CFAP299: variants seen among roughly 807,000 people sequenced by gnomAD.
CFAP299 encodes the protein cilia- and flagella-associated protein 299.
A neutral mutation model predicts 27.0 loss-of-function variants in CFAP299; 21 were observed. The observed-to-expected ratio is 0.78, with a 90% confidence interval of 0.55 to 1.12. CFAP299 has a LOEUF of 1.12. Among genes scored for constraint, CFAP299 ranks in the 50% most tolerant of loss-of-function variants. The pLI is 0.00. For missense variants in CFAP299, 310 were observed against 276.6 expected, an observed-to-expected ratio of 1.12 and a Z score of -0.86; for synonymous variants, 104 against 98.1, an observed-to-expected ratio of 1.06 and a Z score of -0.36.
intron 2 of CFAP299, among the ~76,000 whole-genome samples, chr4:80,466,047 G>A (rs537256224): frequency 6.6e-6 from 1 of 152,290 alleles, no homozygotes; most frequent in East Asian, 1.9e-4. Flanking sequence ...CCAGAGAAGT[G>A]CAGCAATTTC....
chr4:80,613,020 C>A (rs1738079881), intron 3 of CFAP299, among the ~76,000 whole-genome samples: 1 of 152,096 alleles, frequency 6.6e-6, no homozygotes, highest in South Asian at 2.1e-4. Context: ...GAGGCTCTTT[C>A]ATATGCATTT....
At chr4:80,393,526 C>T (rs917475794) in intron 2 of CFAP299, among the ~76,000 whole-genome samples, 6 of 152,088 alleles carry the variant, frequency 3.9e-5, no homozygotes, top group African/African-American at 1.4e-4. Flanking sequence ...TATAATTTTT[C>T]ATTTTTTATG....
chr4:80,359,264 T>C (rs1286779086), intron 1 of CFAP299, among the ~76,000 whole-genome samples: 4 of 152,160 alleles, frequency 2.6e-5, no homozygotes, highest in Admixed American at 1.3e-4. Flanking sequence ...TTTTCTTTCA[T>C]TTTAATCTTG....
At chr4:80,566,325 C>A (rs1309977293) in intron 2 of CFAP299, among the ~76,000 whole-genome samples, 1 of 151,968 alleles carries the variant, frequency 6.6e-6, no homozygotes, top group Admixed American at 6.6e-5. Context: ...ATCTAAACCC[C>A]TCTTTTTTCC....
intron 3 of CFAP299, among the ~76,000 whole-genome samples, chr4:80,855,543 C>G (rs182579364): frequency 5.3e-5 from 8 of 152,288 alleles, no homozygotes. Flanking sequence ...TCTCACAATG[C>G]TATCCCTCCC....
At chr4:80,853,806 T>G (rs1313018729) in intron 3 of CFAP299, among the ~76,000 whole-genome samples, 1 of 152,176 alleles carries the variant, frequency 6.6e-6, no homozygotes, top group Non-Finnish European at 1.5e-5. Flanking sequence ...AGGTAAATAA[T>G]GTTGCATATT....
intron 2 of CFAP299, among the ~76,000 whole-genome samples, chr4:80,480,212 G>T (rs1409245138): frequency 6.6e-6 from 1 of 151,884 alleles, no homozygotes; most frequent in East Asian, 1.9e-4. Context: ...GGTGGAAAAT[G>T]TGAAGATACT....
chr4:80,741,076 C>T (rs1724235836), intron 3 of CFAP299, among the ~76,000 whole-genome samples: 1 of 152,050 alleles, frequency 6.6e-6, no homozygotes, highest in South Asian at 2.1e-4. Flanking sequence ...GACAAAATCC[C>T]CTTTACTTTT....
In CFAP299 at chr4:80,349,074, G is replaced by A. The variant is rs143573038; in HGVS notation, c.111+13195G>A. On this transcript the variant is annotated intron_variant, in intron 1 of 5. Transcript: ENST00000358105. ...AGAATCCATGAGGACAGAATGAAAC[G>A]TCTGTCAGGTGCTCGTGACCCTGCC... is the stretch of plus-strand genomic sequence containing the variant. Among the ~76,000 whole-genome samples the A allele has an allele frequency of 1.9e-4, 29 of 152,286 alleles. No homozygotes were observed. The East Asian group carries it at 2.9e-3, about 15-fold the overall frequency.
At chr4:80,634,739 C>A (rs1010097261) in intron 3 of CFAP299, among the ~76,000 whole-genome samples, 2 of 151,880 alleles carry the variant, frequency 1.3e-5, no homozygotes, top group Non-Finnish European at 2.9e-5. Context: ...CATTGTATCT[C>A]CTAATTTGGA....
intron 2 of CFAP299, among the ~76,000 whole-genome samples, chr4:80,492,417 G>T (rs1251622926): frequency 6.6e-6 from 1 of 152,152 alleles, no homozygotes; most frequent in African/African-American, 2.4e-5. Context: ...GAATGTTTGT[G>T]AGAGTAAATA....
intron 3 of CFAP299, among the ~76,000 whole-genome samples, chr4:80,752,968 A>G (rs1041588835): frequency 1.3e-5 from 2 of 152,066 alleles, no homozygotes; most frequent in East Asian, 1.9e-4. Flanking sequence ...TTACATATGC[A>G]ATAACACATA....
At chr4:80,390,512 CACATATATGTATATATGTATATATGTAT>C in intron 2 of CFAP299, among the ~76,000 whole-genome samples, 1 of 124,892 alleles carries the variant, frequency 8.0e-6, no homozygotes, top group South Asian at 2.5e-4. Context: ...TATATATACA[CACATATATGTATATATGTATATATGTAT>C]ACACACATAT....
intron 3 of CFAP299, among the ~76,000 whole-genome samples, chr4:80,653,039 A>G (rs564521787): frequency 3.3e-5 from 5 of 152,260 alleles, no homozygotes; most frequent in Admixed American, 3.3e-4. Context: ...TTTAGAGACA[A>G]TGTACCCTGC....
intron 1 of CFAP299, among the ~76,000 whole-genome samples, chr4:80,343,662 G>A (rs552684885): frequency 2.0e-5 from 3 of 151,792 alleles, no homozygotes; most frequent in South Asian, 2.1e-4. Context: ...GGTGGCGGGC[G>A]CCTGTAGTCC....
In CFAP299 at chr4:80,866,081, A is replaced by ATATATATATATATATG. The variant is rs1313817923; in HGVS notation, c.334-3897_334-3896insGTATATATATATATAT. ...GTATTATATATATATATATATATAT[A>ATATATATATATATATG]TATATATATATATATCTTCCCAAAT... On this transcript the variant is annotated intron_variant, in intron 3 of 5. Transcript: ENST00000358105. Among the ~76,000 whole-genome samples the ATATATATATATATATG allele has an allele frequency of 1.9e-3, 232 of 122,546 alleles. 1 individual carries two copies. The highest frequency in any genetic ancestry group is 6.3e-3 in the African/African-American group (217 of 34,500). 80.4% of individuals were successfully genotyped at this position (122,546 alleles called of 152,430 possible). A position where few individuals can be genotyped will look rare whatever the true frequency, so the allele number is the denominator to read the frequency against.
chr4:80,915,279 T>G lies in CFAP299; in HGVS notation c.477-29531T>G, dbSNP rs189365011. On this transcript the variant is annotated intron_variant, in intron 4 of 5. Coordinates refer to ENST00000358105, the MANE Select transcript of CFAP299 (RefSeq NM_152770.3). ...GGTATAGAACTCCAGTTTTACAGGG[T>G]TTTTTTTAAAACATTTTAAAGATGT... Among the ~76,000 whole-genome samples the G allele has an allele frequency of 1.3e-3, 194 of 151,408 alleles. 1 individual carries two copies. Among genetic ancestry groups the G allele is most frequent in the African/African-American group, 4.4e-3 (180 of 41,048 alleles).
At position 80,387,851 on chromosome 4, in the gene CFAP299, C is replaced by T. The variant is rs1316727455; in HGVS notation, c.242+24967C>T. Reference sequence around the variant, plus strand: ...TCCAGGAGTCCCCTGGTACCTTTAGCCCGTGGGGTCTTCAGCATTGGTGGA... The same window carrying T: ...TCCAGGAGTCCCCTGGTACCTTTAGTCCGTGGGGTCTTCAGCATTGGTGGA... On this transcript the variant is annotated intron_variant, in intron 2 of 5. Coordinates refer to ENST00000358105, the MANE Select transcript of CFAP299 (RefSeq NM_152770.3). 14 of 1,319,168 alleles carry T rather than the reference C, an allele frequency of 1.1e-5. No individual in the cohort carries two copies. The Admixed American group carries it at 1.9e-4, about 18-fold the overall frequency. The allele number at this position is 1,319,168 out of a possible 1,614,324, so 81.7% of individuals were successfully genotyped here.
chr4:80,808,888 T>G lies in CFAP299; in HGVS notation c.334-61105T>G, dbSNP rs1033166446. On this transcript the variant is annotated intron_variant, in intron 3 of 5. Transcript: ENST00000358105. ...ACGATCAGATGGATTAACCACTGAC[T>G]TATGCCTCACATAAGCATTATAAAT... Among the ~76,000 whole-genome samples, 5 of 152,098 alleles carry G rather than the reference T, an allele frequency of 3.3e-5. No homozygotes were observed. In the East Asian group the frequency reaches 9.6e-4, roughly 29 times the overall value.
Sources: allele counts gnomAD v4.1 joint callset (sites outside exome capture counted in the v4.1 genomes callset), GRCh38; gene constraint gnomAD v4.1.1; transcripts MANE v1.5; gene names NCBI Gene and HGNC (gene_info 2026-07-23, HGNC 2026-07-21).